TRNAU1AP: variants seen among roughly 807,000 people sequenced by gnomAD.
TRNAU1AP encodes the protein tRNA selenocysteine 1-associated protein 1.
TRNAU1AP carries 33 observed loss-of-function variants against 43.3 expected under a neutral mutation model. The observed-to-expected ratio is 0.76, with a 90% CI of 0.58 to 1.02. The LOEUF is 1.02. Ranked by LOEUF, TRNAU1AP falls within the 50% of genes least tolerant of loss-of-function variation. The pLI is 0.00. For missense variants in TRNAU1AP, 290 were observed against 362.7 expected (o/e 0.80, Z 1.63); for synonymous variants, 143 against 129.1 (o/e 1.11, Z -0.73).
At chr1:28,562,798 G>T (rs1383420667) in intron 4 of TRNAU1AP, among the ~76,000 whole-genome samples, 1 of 151,814 alleles carries the variant, frequency 6.6e-6, no homozygotes, top group East Asian at 1.9e-4. Context: ...AGCCAGGATG[G>T]TCTCGATCTC....
intron 4 of TRNAU1AP, among the ~76,000 whole-genome samples, chr1:28,563,211 A>T (rs928667094): frequency 6.6e-6 from 1 of 151,638 alleles, no homozygotes; most frequent in African/African-American, 2.4e-5. Context: ...TTCTTATTAT[A>T]CAAGGAATAT....
intron 5 of TRNAU1AP, among the ~76,000 whole-genome samples, chr1:28,566,136 G>A (rs1394950731): frequency 6.6e-6 from 1 of 151,882 alleles, no homozygotes; most frequent in Non-Finnish European, 1.5e-5. Flanking sequence ...CCAACATGGT[G>A]AAACCCTGTC....
intron 8 of TRNAU1AP, among the ~76,000 whole-genome samples, chr1:28,574,967 TA>T (rs66955836): frequency 0.24 from 36,902 of 151,924 alleles, 4,650 homozygotes; most frequent in Middle Eastern, 0.34. Flanking sequence ...GATGGGAAAC[TA>T]GTGGCTCGGA....
chr1:28,560,858 A>G, intron 3 of TRNAU1AP, 126 bp downstream of exon 3: 2 of 927,894 alleles, frequency 2.2e-6, no homozygotes, highest in Middle Eastern at 3.4e-4. Context: ...AGGCATTGTT[A>G]TCTTTGTAGG....
At chr1:28,555,261 A>G (rs1461004609) in intron 2 of TRNAU1AP, among the ~76,000 whole-genome samples, 1 of 152,082 alleles carries the variant, frequency 6.6e-6, no homozygotes, top group Non-Finnish European at 1.5e-5. Flanking sequence ...CTGTGGAGAT[A>G]CTACTGTGTT....
chr1:28,571,353 G>A lies in TRNAU1AP; in HGVS notation c.693+15G>A, dbSNP rs781591681. The A allele has an allele frequency of 2.5e-6, 4 of 1,613,524 alleles. No homozygotes were observed. Among genetic ancestry groups the A allele is most frequent in the African/African-American group, 1.3e-5 (1 of 74,912 alleles). On this transcript the variant is annotated intron_variant, in intron 7 of 8. Transcript: ENST00000373830. ...GCACCATGCAGGTAACCATGACTTG[G>A]CAAGACTGGTCCCCTTGGGTTGTGT...
intron 2 of TRNAU1AP, among the ~76,000 whole-genome samples, chr1:28,557,050 G>A (rs1363478070): frequency 6.6e-6 from 1 of 151,578 alleles, no homozygotes; most frequent in African/African-American, 2.4e-5. Context: ...CTGACCTCAG[G>A]TGATCTGTCC....
intron 3 of TRNAU1AP, 39 bp from the exon 4 acceptor site, chr1:28,561,307 C>G (rs1665398564): frequency 1.9e-6 from 3 of 1,613,232 alleles, no homozygotes; most frequent in Non-Finnish European, 2.5e-6. Flanking sequence ...TCTTGAAACA[C>G]CTTTCTCTGT....
chr1:28,560,563 A>G, intron 2 of TRNAU1AP, 70 bp from the exon 3 acceptor site: 3 of 1,315,188 alleles, frequency 2.3e-6, no homozygotes, highest in African/African-American at 1.4e-5. Flanking sequence ...TGCGTGAGCC[A>G]TCACGCCTGG....
At chr1:28,557,935 G>A (rs1665310812) in intron 2 of TRNAU1AP, among the ~76,000 whole-genome samples, 1 of 119,296 alleles carries the variant, frequency 8.4e-6, no homozygotes, top group Admixed American at 8.3e-5. Flanking sequence ...AGTCTCTGTC[G>A]CCCAGGCTGG....
Position 28,572,014 on chromosome 1 carries a change from C to T in TRNAU1AP, c.727+114C>T, listed in dbSNP as rs1463755400. On this transcript the variant is annotated intron_variant, in intron 8 of 8. Transcript: ENST00000373830. ...ATAAATTCTGCTCTGGAAGAACTTA[C>T]ATTCTGGTTAGAGAGCCAGACAAAT... 5 of 951,822 alleles carry T rather than the reference C, an allele frequency of 5.3e-6. No homozygotes were observed. In the African/African-American group the frequency reaches 8.0e-5, roughly 15 times the overall value. The allele number at this position is 951,822 out of a possible 1,614,324, so 59.0% of individuals were successfully genotyped here. A position where few individuals can be genotyped will look rare whatever the true frequency, so the allele number is the denominator to read the frequency against.
At chr1:28,571,735 A>T in intron 7 of TRNAU1AP, 132 bp from the exon 8 acceptor site, 1 of 689,860 alleles carries the variant, frequency 1.4e-6, no homozygotes, top group South Asian at 1.8e-5. Flanking sequence ...GTGAGCCGAG[A>T]TCACGCCACT....
rs1665831235 is a variant in TRNAU1AP at position 28,577,747 on chromosome 1, G to GT, written c.*116dup. 8.2e-7 allele frequency: 1 copy of GT among 1,218,250 alleles called. No homozygotes were observed. Among genetic ancestry groups the GT allele is most frequent in the African/African-American group, 1.5e-5 (1 of 65,744 alleles). 75.5% of individuals were successfully genotyped at this position (1,218,250 alleles called of 1,614,324 possible). On this transcript the variant is annotated 3_prime_UTR_variant, in exon 9 of 9. Transcript: ENST00000373830. ...GATTTGTAAGATTTTAATAATGACT[G>GT]TTTTTGGAGATCATGAATGTTTCTA... is the stretch of plus-strand genomic sequence containing the variant.
At chr1:28,553,342 G>C in intron 1 of TRNAU1AP, 2 of 666,820 alleles carry the variant, frequency 3.0e-6, no homozygotes, top group South Asian at 4.1e-5. Flanking sequence ...GCCCCACCTG[G>C]GTTCGTGGGA....
chr1:28,557,274 G>A (rs967975288), intron 2 of TRNAU1AP, among the ~76,000 whole-genome samples: 5 of 151,432 alleles, frequency 3.3e-5, no homozygotes, highest in Non-Finnish European at 7.4e-5. Context: ...AAGAAAATTA[G>A]CCAGGCATGG....
intron 4 of TRNAU1AP, among the ~76,000 whole-genome samples, chr1:28,563,085 G>A (rs967974270): frequency 4.0e-5 from 6 of 150,868 alleles, no homozygotes; most frequent in Non-Finnish European, 8.9e-5. Context: ...TAGTAGAGAT[G>A]GGGTTTCACC....
At chr1:28,573,912 G>T (rs1214531905) in intron 8 of TRNAU1AP, among the ~76,000 whole-genome samples, 1 of 151,892 alleles carries the variant, frequency 6.6e-6, no homozygotes, top group Non-Finnish European at 1.5e-5. Flanking sequence ...AGTCCATCCT[G>T]GGTGACGAGA....
At chr1:28,564,880 C>A (rs754632002) in intron 5 of TRNAU1AP, 46 bp downstream of exon 5, 1 of 1,611,868 alleles carries the variant, frequency 6.2e-7, no homozygotes, top group African/African-American at 1.3e-5. Flanking sequence ...TAGTTTCAGC[C>A]TTTCTCTCCT....
At chr1:28,566,918 C>T (rs897989949) in intron 5 of TRNAU1AP, among the ~76,000 whole-genome samples, 2 of 152,266 alleles carry the variant, frequency 1.3e-5, no homozygotes, top group African/African-American at 4.8e-5. Flanking sequence ...CTGTGCGTAG[C>T]ACAGTGCCTG....
Sources: gnomAD v4.1 joint callset for allele counts (sites outside exome capture counted in the v4.1 genomes callset) on GRCh38, gnomAD v4.1.1 for gene constraint, MANE v1.5 for transcripts, NCBI Gene and HGNC (gene_info 2026-07-23, HGNC 2026-07-21) for gene names.